DYNC2I1: variants seen among roughly 807,000 people sequenced by gnomAD.
The protein encoded by DYNC2I1 is cytoplasmic dynein 2 intermediate chain 1.
A neutral mutation model predicts 133.4 loss-of-function variants in DYNC2I1; 89 were observed. The observed-to-expected ratio is 0.67, with a 90% CI of 0.56 to 0.80. DYNC2I1 has a LOEUF of 0.80. Ranked by LOEUF, DYNC2I1 falls within the 30% of genes least tolerant of loss-of-function variation. The pLI, the probability that DYNC2I1 is intolerant of heterozygous loss-of-function variation, is 0.00. For synonymous variants in DYNC2I1, 504 were observed against 484.3 expected (o/e 1.04, Z -0.54); for missense variants, 1,291 against 1,314.5 (o/e 0.98, Z 0.28).
chr7:158,928,127 G>A (rs1483433098), intron 20 of DYNC2I1, among the ~76,000 whole-genome samples: 1 of 152,184 alleles, frequency 6.6e-6, no homozygotes. Context: ...CAGAGCAGAA[G>A]TGACTTGAAG....
intron 4 of DYNC2I1, 46 bp downstream of exon 4, chr7:158,876,737 G>T (rs372319581): frequency 1.3e-6 from 2 of 1,504,304 alleles, no homozygotes; most frequent in Non-Finnish European, 1.8e-6. Context: ...ATGTTGCCAA[G>T]TAAAGGATGT....
At chr7:158,919,033 C>G (rs757032719) in intron 15 of DYNC2I1, among the ~76,000 whole-genome samples, 164 bp downstream of exon 15, 21 of 152,150 alleles carry the variant, frequency 1.4e-4, no homozygotes, top group African/African-American at 2.9e-4. Flanking sequence ...TGGTTTTTCC[C>G]TCTTAAGTGT....
chr7:158,884,046 ATT>A (rs373885374), intron 5 of DYNC2I1, among the ~76,000 whole-genome samples: 1,412 of 125,522 alleles, frequency 0.011, 21 homozygotes, highest in African/African-American at 0.039. Flanking sequence ...TTAAAAAACA[ATT>A]TTTTTTTTTT....
chr7:158,901,640 C>T, intron 8 of DYNC2I1, 99 bp from the exon 9 acceptor site: 1 of 766,410 alleles, frequency 1.3e-6, no homozygotes, highest in Non-Finnish European at 2.1e-6. Context: ...TTAGCAACAT[C>T]AAAGGAATGT....
chr7:158,869,974 T>C, intron 2 of DYNC2I1, 66 bp downstream of exon 2: 1 of 1,380,526 alleles, frequency 7.2e-7, no homozygotes, highest in South Asian at 1.2e-5. Context: ...GGACCTGCTT[T>C]ACCTGGTACA....
chr7:158,910,909 GGCCTGT>G (rs1402872148), intron 11 of DYNC2I1, among the ~76,000 whole-genome samples: 1 of 150,544 alleles, frequency 6.6e-6, no homozygotes, highest in South Asian at 2.1e-4. Flanking sequence ...GGCTGTGTCA[GGCCTGT>G]GGGAGGAGTG....
intron 3 of DYNC2I1, among the ~76,000 whole-genome samples, chr7:158,873,373 C>T (rs752443654): frequency 1.2e-4 from 19 of 152,332 alleles, no homozygotes; most frequent in South Asian, 4.1e-4. Flanking sequence ...GGCCTTTACT[C>T]ATTGCCACCA....
chr7:158,842,646 A>G, the DYNC2I1 span, among the ~76,000 whole-genome samples: 1 of 152,222 alleles, frequency 6.6e-6, no homozygotes, highest in Non-Finnish European at 1.5e-5. Flanking sequence ...CTTTTCGCTC[A>G]TGTCAAGTGC....
chr7:158,859,820 G>C (rs1395032563), intron 1 of DYNC2I1, among the ~76,000 whole-genome samples: 2 of 152,154 alleles, frequency 1.3e-5, no homozygotes, highest in Non-Finnish European at 2.9e-5. Flanking sequence ...AAAAGCAACA[G>C]ATCTCAGAGC....
chr7:158,909,992 C>T (rs553996605), intron 11 of DYNC2I1, among the ~76,000 whole-genome samples: 1 of 152,060 alleles, frequency 6.6e-6, no homozygotes, highest in East Asian at 1.9e-4. Context: ...ACCCGGTGGC[C>T]GAGGCACCTG....
the DYNC2I1 span, among the ~76,000 whole-genome samples, chr7:158,842,652 A>G: frequency 8.5e-5 from 13 of 152,386 alleles, no homozygotes; most frequent in Non-Finnish European, 1.9e-4. Flanking sequence ...GCTCATGTCA[A>G]GTGCTGATGA....
Position 158,876,657 on chromosome 7 carries a change from A to G in DYNC2I1, c.539A>G (p.Asp180Gly), listed in dbSNP as rs750393568. The G allele has an allele frequency of 3.5e-5, 56 of 1,581,426 alleles. No homozygotes were observed. The highest frequency in any genetic ancestry group is 4.5e-5 in the Non-Finnish European group (53 of 1,170,506). Residue 180 changes from aspartate (D) to glycine (G), a missense_variant, in exon 4 of 25, where the codon GAT becomes GGT. Coordinates refer to ENST00000407559, the MANE Select transcript of DYNC2I1 (RefSeq NM_018051.5). The part of the protein sequence containing the change: ...EEKDEDSERG[D>G]EDRERRYRER... ...AAAGATGAAGACTCTGAAAGAGGAGATGAAGATAGAGAAAGAAGATACCGA... is the reference window on the plus strand; with the variant it reads ...AAAGATGAAGACTCTGAAAGAGGAGGTGAAGATAGAGAAAGAAGATACCGA...
Position 158,918,774 on chromosome 7 carries a change from C to T in DYNC2I1, c.1826C>T (p.Ala609Val), listed in dbSNP as rs192753686. Residue 609 changes from alanine (A) to valine (V), a missense_variant, in exon 15 of 25, where the codon GCA (alanine) becomes GTA (valine). Coordinates refer to ENST00000407559, the MANE Select transcript of DYNC2I1 (RefSeq NM_018051.5). ...GTTTTGCTGGAAGAGGATCGCTTGG[C>T]AGCTGAACCCAGCTGGAATCTTAGG... ...MAVLLEEDRLAAEPSWNLRAQ... is the reference protein window; with the variant it reads ...MAVLLEEDRLVAEPSWNLRAQ... 4.6e-5 allele frequency: 74 copies of T among 1,613,802 alleles called. No individual in the cohort carries two copies. The Admixed American group carries it at 7.2e-4, about 16-fold the overall frequency.
intron 8 of DYNC2I1, among the ~76,000 whole-genome samples, chr7:158,900,904 C>A (rs1846185094): frequency 6.6e-6 from 1 of 151,936 alleles, no homozygotes; most frequent in East Asian, 1.9e-4. Flanking sequence ...TTGTTTTTGA[C>A]CTCGAACTTT....
chr7:158,857,529 C>T (rs1449526010), intron 1 of DYNC2I1, among the ~76,000 whole-genome samples: 2 of 145,544 alleles, frequency 1.4e-5, no homozygotes, highest in East Asian at 2.0e-4. Flanking sequence ...TTATATAAAC[C>T]TTAGGTTTTT....
intron 8 of DYNC2I1, among the ~76,000 whole-genome samples, chr7:158,897,397 TATTA>T (rs917160339): frequency 1.4e-4 from 21 of 152,366 alleles, no homozygotes; most frequent in Non-Finnish European, 1.3e-4. Flanking sequence ...TTTAGAAGGT[TATTA>T]ATTATTGACT....
At chr7:158,858,396 G>A (rs2657381) in intron 1 of DYNC2I1, among the ~76,000 whole-genome samples, 32,615 of 152,010 alleles carry the variant, frequency 0.21, 3,623 homozygotes, top group Middle Eastern at 0.27. Context: ...CTCTACTCAG[G>A]GAACAATGTT....
At chr7:158,868,337 G>T (rs2129477102) in intron 1 of DYNC2I1, among the ~76,000 whole-genome samples, 1 of 152,290 alleles carries the variant, frequency 6.6e-6, no homozygotes, top group East Asian at 1.9e-4. Flanking sequence ...TGGTCGTGAG[G>T]CGCTGCGACA....
chr7:158,939,315 A>G (rs1362308013), intron 23 of DYNC2I1, among the ~76,000 whole-genome samples: 1 of 151,968 alleles, frequency 6.6e-6, no homozygotes, highest in Non-Finnish European at 1.5e-5. Context: ...GCCCATGCCC[A>G]CCTGTAGTCC....
Sources: gnomAD v4.1 joint callset for allele counts (sites outside exome capture counted in the v4.1 genomes callset) on GRCh38, gnomAD v4.1.1 for gene constraint, MANE v1.5 for transcripts, NCBI Gene and HGNC (gene_info 2026-07-23, HGNC 2026-07-21) for gene names.